The following ZNF345 variants were observed in gnomAD, a reference collection of about 807,000 sequenced individuals.
ZNF345 encodes the protein zinc finger protein HZF10.
For missense variants in ZNF345, 527 were observed against 589.9 expected, an observed-to-expected ratio of 0.89 and a Z score of 1.10; for synonymous variants, 166 against 187.9, an observed-to-expected ratio of 0.88 and a Z score of 0.95.
At chr19:36,860,975 T>A (rs1161916958) in intron 2 of ZNF345, among the ~76,000 whole-genome samples, 1 of 152,128 alleles carries the variant, frequency 6.6e-6, no homozygotes, top group Non-Finnish European at 1.5e-5. Context: ...GCCATTATTT[T>A]GTCTGTATTA....
At chr19:36,865,172 T>G (rs1400778405) in intron 2 of ZNF345, among the ~76,000 whole-genome samples, 1 of 152,182 alleles carries the variant, frequency 6.6e-6, no homozygotes, top group Non-Finnish European at 1.5e-5. Flanking sequence ...CCAGCAAGCA[T>G]GCCAGAACCA....
chr19:36,877,872 G>A lies in ZNF345; in HGVS notation c.1042G>A (p.Gly348Arg). 6.2e-7 allele frequency: 1 copy of A among 1,613,998 alleles called. No homozygotes were observed. Among genetic ancestry groups the A allele is most frequent in the Non-Finnish European group, 8.5e-7 (1 of 1,179,984 alleles). The change falls in exon 3 of 3, where the codon GGG becomes AGG. Residue 348 changes from glycine to arginine, a missense_variant. Gly to Arg is a moderately radical substitution (Grantham distance 125, BLOSUM62 -2). Coordinates refer to ENST00000420450, the MANE Select transcript of ZNF345 (RefSeq NM_001242472.2). The part of the protein sequence containing the change: ...GEKPYECKEC[G>R]KTFSSGSDLT... ...GAAACCTTATGAATGTAAGGAATGT[G>A]GGAAGACCTTTAGTAGTGGTTCAGA... is the stretch of plus-strand genomic sequence containing the variant.
Position 36,876,967 on chromosome 19 carries a change from C to T in ZNF345, c.137C>T (p.Pro46Leu). 1 of 1,614,110 alleles carries T rather than the reference C, an allele frequency of 6.2e-7. No individual in the cohort carries two copies. Among genetic ancestry groups the T allele is most frequent in the Non-Finnish European group, 8.5e-7 (1 of 1,180,000 alleles). Residue 46 changes from proline to leucine, a missense_variant, in exon 3 of 3, where the codon CCC (proline) becomes CTC (leucine). Transcript: ENST00000420450. ...SEMIFTPEDMPTFSIQHQRIH... is the reference protein window; with the variant it reads ...SEMIFTPEDMLTFSIQHQRIH... Reference sequence around the variant, plus strand: ...ATGATATTTACTCCTGAAGACATGCCCACTTTCAGTATCCAGCATCAGAGA... The same window carrying T: ...ATGATATTTACTCCTGAAGACATGCTCACTTTCAGTATCCAGCATCAGAGA...
chr19:36,854,820 T>G, intron 2 of ZNF345, among the ~76,000 whole-genome samples: 1 of 152,036 alleles, frequency 6.6e-6, no homozygotes, highest in Non-Finnish European at 1.5e-5. Flanking sequence ...TATCTTTTAC[T>G]CTTCTCACTT....
chr19:36,869,671 C>G (rs1450155091), intron 2 of ZNF345, among the ~76,000 whole-genome samples: 1 of 151,888 alleles, frequency 6.6e-6, no homozygotes, highest in Non-Finnish European at 1.5e-5. Flanking sequence ...AAAGACCTGA[C>G]AAATTATTAC....
downstream of ZNF345, among the ~76,000 whole-genome samples, chr19:36,881,000 A>G (rs965201454): frequency 2.0e-5 from 3 of 152,148 alleles, no homozygotes; most frequent in Non-Finnish European, 4.4e-5. Context: ...AAAAACCCTA[A>G]GGATAATGGG....
chr19:36,873,053 A>T (rs1396254471), intron 2 of ZNF345, among the ~76,000 whole-genome samples: 1 of 151,686 alleles, frequency 6.6e-6, no homozygotes, highest in Non-Finnish European at 1.5e-5. Flanking sequence ...CCTATTTTCC[A>T]TTTCTGTATC....
rs138152300 is a variant in ZNF345, at chr19:36,878,277, G to T, written c.1447G>T (p.Glu483Ter). 58 of 1,573,150 alleles carry T rather than the reference G, an allele frequency of 3.7e-5. No homozygotes were observed. Among genetic ancestry groups the T allele is most frequent in the Non-Finnish European group, 4.6e-5 (54 of 1,163,336 alleles). ...KKSHNGKKLC[E>*]LETIN ...AAGTCATAATGGTAAGAAACTCTGCGAATTGGAAACTATAAATTGAAATTA... is the reference window on the plus strand; with the variant it reads ...AAGTCATAATGGTAAGAAACTCTGCTAATTGGAAACTATAAATTGAAATTA... The change falls in exon 3 of 3, where the codon GAA (glutamate) becomes TAA (stop). Residue 483 changes from glutamate (E) to a stop codon, truncating the protein, a stop_gained. Coordinates refer to ENST00000420450, the MANE Select transcript of ZNF345 (RefSeq NM_001242472.2). LOFTEE classifies it high-confidence loss of function.
intron 3 of ZNF345, chr19:36,890,810 C>G (rs2073043565): frequency 6.6e-6 from 1 of 151,978 alleles, no homozygotes; most frequent in South Asian, 2.1e-4. Context: ...GAGCTGAGAT[C>G]ACACCACTGC....
intron 2 of ZNF345, among the ~76,000 whole-genome samples, chr19:36,862,147 C>T (rs1030143108): frequency 4.6e-5 from 7 of 152,076 alleles, no homozygotes; most frequent in African/African-American, 1.7e-4. Flanking sequence ...AGGCATGAGC[C>T]ACTGCACCCG....
intron 2 of ZNF345, among the ~76,000 whole-genome samples, chr19:36,860,965 G>A (rs953575518): frequency 6.6e-5 from 10 of 151,368 alleles, no homozygotes; most frequent in Non-Finnish European, 1.3e-4. Flanking sequence ...GATTTCTATC[G>A]CCATTATTTT....
At chr19:36,892,382 AAG>A in intron 3 of ZNF345, 5 of 1,613,282 alleles carry the variant, frequency 3.1e-6, no homozygotes, top group Non-Finnish European at 3.4e-6. Flanking sequence ...GGCTGAATAA[AAG>A]TAGACATGTC....
chr19:36,885,799 T>C (rs1284264118), intron 3 of ZNF345, among the ~76,000 whole-genome samples: 1 of 152,118 alleles, frequency 6.6e-6, no homozygotes, highest in Non-Finnish European at 1.5e-5. Flanking sequence ...AGTATGAGAT[T>C]TAGTGGGTCA....
At chr19:36,859,771 A>G (rs1290651648) in intron 2 of ZNF345, among the ~76,000 whole-genome samples, 1 of 152,174 alleles carries the variant, frequency 6.6e-6, no homozygotes, top group Non-Finnish European at 1.5e-5. Flanking sequence ...AGAATAGCAT[A>G]AAGTATTCCT....
At chr19:36,872,141 G>A (rs935357287) in intron 2 of ZNF345, among the ~76,000 whole-genome samples, 1 of 152,056 alleles carries the variant, frequency 6.6e-6, no homozygotes, top group African/African-American at 2.4e-5. Context: ...ACCTTTATTT[G>A]TCTCATGGCT....
At chr19:36,856,730 C>T (rs1321913522) in intron 2 of ZNF345, among the ~76,000 whole-genome samples, 1 of 152,024 alleles carries the variant, frequency 6.6e-6, no homozygotes, top group African/African-American at 2.4e-5. Flanking sequence ...GTGGCAGGTA[C>T]CTGTAATTCC....
At chr19:36,874,305 C>A (rs1490310527) in intron 2 of ZNF345, among the ~76,000 whole-genome samples, 3 of 151,850 alleles carry the variant, frequency 2.0e-5, no homozygotes, top group African/African-American at 7.3e-5. Context: ...ACCAGCCTGG[C>A]CAATATGGTG....
chr19:36,853,344 G>A (rs1311155607), intron 2 of ZNF345, among the ~76,000 whole-genome samples: 3 of 151,446 alleles, frequency 2.0e-5, no homozygotes, highest in Non-Finnish European at 4.4e-5. Flanking sequence ...CGCCTCTTGG[G>A]TTCAAGTGAT....
chr19:36,877,958 G>A lies in ZNF345; in HGVS notation c.1128G>A (p.Gly376=), dbSNP rs2072924494. The A allele has an allele frequency of 6.2e-7, 1 of 1,614,030 alleles. No individual in the cohort carries two copies. Among genetic ancestry groups the A allele is most frequent in the East Asian group, 2.2e-5 (1 of 44,876 alleles). ...GEKPYECKEC[G]KAFGSGSKLI... ...AACCCTATGAATGTAAGGAATGTGG[G>A]AAGGCCTTTGGTAGTGGCTCAAAAC... is the stretch of plus-strand genomic sequence containing the variant. The change falls in exon 3 of 3, where the codon GGG becomes GGA. Residue 376 remains glycine (G), a synonymous_variant. Transcript: ENST00000420450.
Sources: gnomAD v4.1 joint callset for allele counts (sites outside exome capture counted in the v4.1 genomes callset) on GRCh38, gnomAD v4.1.1 for gene constraint, MANE v1.5 for transcripts, NCBI Gene and HGNC (gene_info 2026-07-23, HGNC 2026-07-21) for gene names.